RSRC1: variants seen among roughly 807,000 people sequenced by gnomAD.
RSRC1 encodes serine/Arginine-related protein 53.
Under a neutral mutation model 49.1 loss-of-function variants are expected in RSRC1, and 39 were observed. The observed-to-expected ratio is 0.79, with a 90% CI of 0.61 to 1.04. The LOEUF (loss-of-function observed/expected upper bound fraction) is 1.04, where lower values mean the gene tolerates loss of function less well. Among genes scored for constraint, RSRC1 ranks in the 50% least tolerant of loss-of-function variants. The pLI, the probability that RSRC1 is intolerant of heterozygous loss-of-function variation, is 0.00. For synonymous variants in RSRC1, 143 were observed against 130.8 expected (o/e 1.09, Z -0.63); for missense variants, 388 against 402.4 (o/e 0.96, Z 0.31).
intron 6 of RSRC1, among the ~76,000 whole-genome samples, chr3:158,453,627 C>T (rs1416086737): frequency 1.3e-5 from 2 of 152,040 alleles, no homozygotes. Context: ...AATTGATCCT[C>T]CCAAAGTGCT....
At chr3:158,390,166 G>T (rs1560022266) in intron 6 of RSRC1, among the ~76,000 whole-genome samples, 2 of 152,176 alleles carry the variant, frequency 1.3e-5, no homozygotes, top group Admixed American at 1.3e-4. Context: ...ACTGTTGAGT[G>T]TTTGTATAGA....
rs374368016 is a variant in RSRC1, at chr3:158,529,214, G to GTGTGTATATATATATA, written c.653-7877_653-7876insGTGTATATATATATAT. Reference sequence around the variant, plus strand: ...TTTATGTATATATGTATGTGTGTGTGTATATATATATATATATATATCCTA... The same window carrying GTGTGTATATATATATA: ...TTTATGTATATATGTATGTGTGTGTGTGTGTATATATATATATATATATATATATATATATATCCTA... On this transcript the variant is annotated intron_variant, in intron 7 of 9. Transcript: ENST00000611884. Among the ~76,000 whole-genome samples, 598 of 143,112 alleles carry GTGTGTATATATATATA rather than the reference G, an allele frequency of 4.2e-3. 5 individuals carry two copies. Among genetic ancestry groups the GTGTGTATATATATATA allele is most frequent in the African/African-American group, 0.012 (449 of 38,038 alleles). The allele number at this position is 143,112 out of a possible 152,430, so 93.9% of individuals were successfully genotyped here.
chr3:158,377,640 A>G (rs1193106310), intron 6 of RSRC1, among the ~76,000 whole-genome samples: 1 of 148,838 alleles, frequency 6.7e-6, no homozygotes, highest in Non-Finnish European at 1.5e-5. Flanking sequence ...TTTACAAATT[A>G]CCCAGTCTCC....
At chr3:158,257,963 ACCT>A (rs925554136) in intron 4 of RSRC1, among the ~76,000 whole-genome samples, 64 of 152,144 alleles carry the variant, frequency 4.2e-4, no homozygotes, top group African/African-American at 1.5e-3. Context: ...TTGCTTTTTA[ACCT>A]TGTCCTGTCT....
Position 158,477,798 on chromosome 3 carries a change from T to TTTTA in RSRC1, c.652+16796_652+16797insTTAT, listed in dbSNP as rs1485762587. ...TGATGGGATAGGTTGCGGGAGGGAT[T>TTTTA]TATATATATATATATATATATATAT... On this transcript the variant is annotated intron_variant, in intron 7 of 9. Transcript: ENST00000611884. 5.2e-3 allele frequency among the ~76,000 whole-genome samples: 470 copies of TTTTA among 89,764 alleles called. 51 individuals are homozygous for TTTTA. Among genetic ancestry groups the TTTTA allele is most frequent in the African/African-American group, 0.019 (408 of 21,646 alleles). 58.9% of individuals were successfully genotyped at this position (89,764 alleles called of 152,430 possible). A position where few individuals can be genotyped will look rare whatever the true frequency, so the allele number is the denominator to read the frequency against.
chr3:158,116,454 T>G (rs955972150), intron 1 of RSRC1, among the ~76,000 whole-genome samples: 1 of 152,220 alleles, frequency 6.6e-6, no homozygotes, highest in Non-Finnish European at 1.5e-5. Context: ...ATTAAAAAGA[T>G]GTGTATGTAC....
intron 3 of RSRC1, among the ~76,000 whole-genome samples, chr3:158,154,784 T>C (rs1457119993): frequency 6.6e-6 from 1 of 152,070 alleles, no homozygotes; most frequent in African/African-American, 2.4e-5. Context: ...AAAATTAGAG[T>C]CAGTCTTCTC....
At chr3:158,182,442 C>T (rs1046248010) in intron 3 of RSRC1, among the ~76,000 whole-genome samples, 2 of 152,116 alleles carry the variant, frequency 1.3e-5, no homozygotes, top group East Asian at 1.9e-4. Context: ...TAAATCCCTT[C>T]GTAATTCACT....
intron 4 of RSRC1, among the ~76,000 whole-genome samples, chr3:158,249,792 T>C (rs2108011019): frequency 6.6e-6 from 1 of 152,314 alleles, no homozygotes; most frequent in African/African-American, 2.4e-5. Flanking sequence ...GGGGTATCCA[T>C]CACCTCAAGC....
In RSRC1 at chr3:158,478,909, A is replaced by G. The variant is rs986381468; in HGVS notation, c.652+17906A>G. ...TGAGAGTACTATTGTATTCATTAAT[A>G]TATAGAAGGTTATTAACTAAAGATA... is the stretch of plus-strand genomic sequence containing the variant. On this transcript the variant is annotated intron_variant, in intron 7 of 9. Coordinates refer to ENST00000611884, the MANE Select transcript of RSRC1 (RefSeq NM_001271838.2). Among the ~76,000 whole-genome samples the G allele has an allele frequency of 3.3e-5, 5 of 150,124 alleles. No individual in the cohort carries two copies. The East Asian group carries it at 9.8e-4, about 29-fold the overall frequency.
At chr3:158,304,943 T>A (rs1024800833) in intron 5 of RSRC1, among the ~76,000 whole-genome samples, 1 of 152,308 alleles carries the variant, frequency 6.6e-6, no homozygotes, top group Non-Finnish European at 1.5e-5. Context: ...GTCATGTTAA[T>A]GTCATATTAC....
chr3:158,527,152 C>T (rs1282013210), intron 7 of RSRC1, among the ~76,000 whole-genome samples: 1 of 150,656 alleles, frequency 6.6e-6, no homozygotes, highest in Non-Finnish European at 1.5e-5. Context: ...TACTCCCAGC[C>T]CCATGGTGTT....
chr3:158,475,943 C>T (rs768798524), intron 7 of RSRC1, among the ~76,000 whole-genome samples: 1 of 152,064 alleles, frequency 6.6e-6, no homozygotes, highest in Non-Finnish European at 1.5e-5. Flanking sequence ...GCATCTTGTG[C>T]CAAACATTTA....
chr3:158,289,244 C>G (rs564229711), intron 4 of RSRC1, among the ~76,000 whole-genome samples: 22 of 152,144 alleles, frequency 1.4e-4, no homozygotes, highest in East Asian at 9.6e-4. Context: ...ATATTGAACT[C>G]TCTTCTCTTT....
At chr3:158,116,910 T>C (rs111477229) in intron 1 of RSRC1, among the ~76,000 whole-genome samples, 5,494 of 152,230 alleles carry the variant, frequency 0.036, 327 homozygotes, top group African/African-American at 0.13. Context: ...AGATTACTTA[T>C]ATTTTGAATC....
intron 6 of RSRC1, among the ~76,000 whole-genome samples, chr3:158,448,855 CAG>C (rs908715836): frequency 2.0e-5 from 3 of 151,774 alleles, no homozygotes; most frequent in African/African-American, 7.2e-5. Context: ...AGACGTGACA[CAG>C]AATAAAATAG....
chr3:158,461,117 C>A, intron 7 of RSRC1, 114 bp downstream of exon 7: 3 of 605,774 alleles, frequency 5.0e-6, no homozygotes, highest in African/African-American at 1.9e-5. Flanking sequence ...TTTCATGAAC[C>A]AAAACTATGA....
intron 7 of RSRC1, among the ~76,000 whole-genome samples, chr3:158,468,732 T>G (rs1273786150): frequency 6.6e-6 from 1 of 152,200 alleles, no homozygotes; most frequent in Non-Finnish European, 1.5e-5. Flanking sequence ...GTACCTGTTT[T>G]TACCTTCACA....
At chr3:158,168,048 T>C (rs540931074) in intron 3 of RSRC1, among the ~76,000 whole-genome samples, 2 of 88,960 alleles carry the variant, frequency 2.2e-5, no homozygotes, top group African/African-American at 1.1e-4. Context: ...CAAAGTCAGA[T>C]TAACTGTTTT....
Sources: gnomAD v4.1 joint callset for allele counts (sites outside exome capture counted in the v4.1 genomes callset) on GRCh38, gnomAD v4.1.1 for gene constraint, MANE v1.5 for transcripts, NCBI Gene and HGNC (gene_info 2026-07-23, HGNC 2026-07-21) for gene names.